Variants in RASEF observed in about 807,000 individuals in gnomAD.
RASEF encodes RAS and EF-hand domain containing.
In RASEF, 68 loss-of-function variants were observed where a neutral mutation model predicts 90.1. That is an observed-to-expected ratio of 0.75 (90% CI 0.62 to 0.92). The LOEUF is 0.92. Ranked by LOEUF, RASEF falls within the 40% of genes least tolerant of loss-of-function variation. RASEF has a pLI of 0.00. For missense variants in RASEF, 949 were observed against 937.2 expected, an observed-to-expected ratio of 1.01 and a Z score of -0.16; for synonymous variants, 331 against 345.2, an observed-to-expected ratio of 0.96 and a Z score of 0.46.
At chr9:83,165,491 G>A in the RASEF span, among the ~76,000 whole-genome samples, 2 of 152,034 alleles carry the variant, frequency 1.3e-5, no homozygotes, top group African/African-American at 4.8e-5. Flanking sequence ...AATTTTGTTA[G>A]CCACAAAGCA....
At chr9:83,118,135 T>C in the RASEF span, among the ~76,000 whole-genome samples, 2 of 152,194 alleles carry the variant, frequency 1.3e-5, no homozygotes, top group Admixed American at 1.3e-4. Flanking sequence ...TGATAGGTGA[T>C]GCATAAATGT....
the RASEF span, among the ~76,000 whole-genome samples, chr9:83,102,835 A>C: frequency 1.3e-5 from 2 of 152,136 alleles, no homozygotes. Context: ...GGTAAGAGCT[A>C]GATAAAGGAG....
intron 7 of RASEF, among the ~76,000 whole-genome samples, chr9:83,006,752 T>C (rs1368311810): frequency 6.6e-6 from 1 of 152,062 alleles, no homozygotes; most frequent in Non-Finnish European, 1.5e-5. Context: ...TGAGAAAGAA[T>C]TGTGGAGGCA....
intron 7 of RASEF, 51 bp downstream of exon 7, chr9:83,007,386 T>TA (rs1420292641): frequency 1.4e-6 from 2 of 1,427,690 alleles, no homozygotes; most frequent in African/African-American, 1.4e-5. Flanking sequence ...TTTTATTAAC[T>TA]AAAAAACAAG....
At chr9:83,121,810 A>G in the RASEF span, among the ~76,000 whole-genome samples, 3 of 135,222 alleles carry the variant, frequency 2.2e-5, no homozygotes, top group African/African-American at 8.8e-5. Context: ...TTTCTGCAGG[A>G]AACAGAACTA....
rs1480025348 is a variant in RASEF at position 82,987,668 on chromosome 9, A to G, written c.2117+2723T>C. Reference sequence around the variant, plus strand: ...CACTTTGGAGCCATATAACTTTAATATGACCCCATAAGACAACTGAGCATT... The same window carrying G: ...CACTTTGGAGCCATATAACTTTAATGTGACCCCATAAGACAACTGAGCATT... On this transcript the variant is annotated intron_variant, in intron 16 of 16. Transcript: ENST00000376447. 3.3e-5 allele frequency among the ~76,000 whole-genome samples: 5 copies of G among 152,326 alleles called. No individual in the cohort carries two copies. In the East Asian group the frequency reaches 9.7e-4, roughly 29 times the overall value.
At chr9:83,089,941 GATAGATATAGATAT>G in the RASEF span, among the ~76,000 whole-genome samples, 7 of 137,238 alleles carry the variant, frequency 5.1e-5, no homozygotes, top group African/African-American at 1.9e-4. Flanking sequence ...TAGATAGATA[GATAGATATAGATAT>G]ATAGATATAG....
At chr9:83,156,826 A>T in the RASEF span, among the ~76,000 whole-genome samples, 1 of 152,210 alleles carries the variant, frequency 6.6e-6, no homozygotes, top group South Asian at 2.1e-4. Flanking sequence ...TGGGTTAGTG[A>T]GACCTCCACT....
At chr9:83,111,887 A>C in the RASEF span, among the ~76,000 whole-genome samples, 9 of 152,056 alleles carry the variant, frequency 5.9e-5, no homozygotes, top group African/African-American at 2.2e-4. Context: ...TTAACTATAA[A>C]TGACAAAATT....
the RASEF span, among the ~76,000 whole-genome samples, chr9:83,121,005 G>T: frequency 3.7e-4 from 57 of 152,324 alleles, no homozygotes; most frequent in East Asian, 7.9e-3. Context: ...AGTAGTTAAA[G>T]ATGATGTTTG....
chr9:83,216,511 A>G, the RASEF span, among the ~76,000 whole-genome samples: 1 of 152,208 alleles, frequency 6.6e-6, no homozygotes, highest in Non-Finnish European at 1.5e-5. Flanking sequence ...CGGGTACACA[A>G]AAGCCAAGAA....
At chr9:83,016,354 T>C (rs549156614) in intron 3 of RASEF, among the ~76,000 whole-genome samples, 81 of 151,884 alleles carry the variant, frequency 5.3e-4, no homozygotes, top group Non-Finnish European at 7.2e-4. Flanking sequence ...CAAATTTCTA[T>C]GCAAAGTGCC....
At chr9:83,171,242 T>C in the RASEF span, among the ~76,000 whole-genome samples, 1 of 152,000 alleles carries the variant, frequency 6.6e-6, no homozygotes, top group Admixed American at 6.6e-5. Flanking sequence ...TTGATTTGTG[T>C]ATGTTGACCT....
intron 12 of RASEF, 140 bp from the exon 13 acceptor site, chr9:82,998,586 G>A (rs1267504154): frequency 3.4e-6 from 2 of 592,730 alleles, no homozygotes; most frequent in Non-Finnish European, 3.0e-6. Flanking sequence ...CCTTTAAGGA[G>A]AGTGACCTTC....
Position 82,982,593 on chromosome 9 carries a change from G to A in RASEF, c.*84C>T, listed in dbSNP as rs114942804. 1.4e-3 allele frequency: 1,101 copies of A among 792,806 alleles called. 5 individuals are homozygous for A. In the African/African-American group the frequency reaches 0.016, roughly 11 times the overall value. 49.1% of individuals were successfully genotyped at this position (792,806 alleles called of 1,614,324 possible). On this transcript the variant is annotated 3_prime_UTR_variant, in exon 17 of 17. Coordinates refer to ENST00000376447, the MANE Select transcript of RASEF (RefSeq NM_152573.4). The stretch of plus-strand genomic sequence containing the variant: ...CTCCATAGGACAGTGTCAGTAGGAT[G>A]TGCCACTCTGTTAAGAGCCAAATAA...
At chr9:83,173,808 C>T in the RASEF span, among the ~76,000 whole-genome samples, 2 of 151,638 alleles carry the variant, frequency 1.3e-5, no homozygotes, top group African/African-American at 4.8e-5. Flanking sequence ...GGACTTTTGT[C>T]CATTTCTGGC....
the RASEF span, among the ~76,000 whole-genome samples, chr9:83,132,208 C>T: frequency 6.6e-6 from 1 of 152,102 alleles, no homozygotes; most frequent in African/African-American, 2.4e-5. Flanking sequence ...GCATCTTCTA[C>T]TTGGTGAGTT....
At chr9:83,119,004 TTTTC>T in the RASEF span, among the ~76,000 whole-genome samples, 2 of 121,194 alleles carry the variant, frequency 1.7e-5, no homozygotes, top group African/African-American at 6.6e-5. Flanking sequence ...TTTCTTTTTC[TTTTC>T]TTTTTTTTTT....
chr9:82,988,265 G>A (rs185645942), intron 16 of RASEF, among the ~76,000 whole-genome samples: 205 of 152,290 alleles, frequency 1.3e-3, no homozygotes, highest in Middle Eastern at 3.4e-3. Flanking sequence ...TGTTCCCTGT[G>A]CACCCATAAG....
Sources: allele counts gnomAD v4.1 joint callset (sites outside exome capture counted in the v4.1 genomes callset), GRCh38; gene constraint gnomAD v4.1.1; transcripts MANE v1.5; gene names NCBI Gene and HGNC (gene_info 2026-07-23, HGNC 2026-07-21).